PIK3C2B: variants seen among roughly 807,000 people sequenced by gnomAD.
PIK3C2B encodes the protein phosphatidylinositol 4-phosphate 3-kinase C2 domain-containing subunit beta.
PIK3C2B carries 83 observed loss-of-function variants against 184.3 expected under a neutral mutation model. The observed-to-expected ratio is 0.45, with a 90% CI of 0.38 to 0.54. PIK3C2B has a LOEUF of 0.54. PIK3C2B is among the 20% of genes least tolerant of loss of function. The pLI, the probability that PIK3C2B is intolerant of heterozygous loss-of-function variation, is 0.00. For missense variants in PIK3C2B, 1,736 were observed against 2,113.5 expected (o/e 0.82, Z 3.50); for synonymous variants, 779 against 837.6 (o/e 0.93, Z 1.21).
At chr1:204,448,633 C>CA (rs11455070) in intron 14 of PIK3C2B, among the ~76,000 whole-genome samples, 2,668 of 122,172 alleles carry the variant, frequency 0.022, 87 homozygotes, top group African/African-American at 0.076. Flanking sequence ...GATCCTGTCT[C>CA]AAAAAAAAAA....
In PIK3C2B at chr1:204,464,599, C is replaced by T. The variant is rs2271416; in HGVS notation, c.1040G>A (p.Arg347Gln). The T allele has an allele frequency of 9.3e-6, 15 of 1,613,694 alleles. No individual in the cohort carries two copies. The highest frequency in any genetic ancestry group is 4.5e-5 in the East Asian group (2 of 44,880). Residue 347 changes from arginine to glutamine, a missense_variant, in exon 4 of 33, where the codon CGA becomes CAA. Coordinates refer to ENST00000684373, the MANE Select transcript of PIK3C2B (RefSeq NM_001377334.1). Reference sequence around the variant, plus strand: ...GTAGTCTTGGATGTCAGAGCCAGATCGAAGGCTGTACAGGAAGAAAAAAAA... The same window carrying T: ...GTAGTCTTGGATGTCAGAGCCAGATTGAAGGCTGTACAGGAAGAAAAAAAA... ...AAFCHMLDIL[R>Q]SGSDIQDYFL...
intron 16 of PIK3C2B, 86 bp from the exon 17 acceptor site, chr1:204,444,510 G>A (rs1653680495): frequency 3.3e-6 from 3 of 903,192 alleles, no homozygotes; most frequent in South Asian, 2.9e-5. Context: ...CTGGGCTTCA[G>A]AGGCATGGAG....
intron 16 of PIK3C2B, among the ~76,000 whole-genome samples, chr1:204,445,206 GAAA>G (rs771864314): frequency 8.5e-6 from 1 of 118,000 alleles, no homozygotes; most frequent in Admixed American, 8.6e-5. Flanking sequence ...TGCCCCAAAA[GAAA>G]AAAAAAAAAA....
intron 18 of PIK3C2B, 103 bp downstream of exon 18, chr1:204,443,965 G>A: frequency 1.2e-6 from 1 of 825,144 alleles, no homozygotes; most frequent in Non-Finnish European, 2.1e-6. Flanking sequence ...AGCACATACT[G>A]AAGCCCGGAC....
intron 1 of PIK3C2B, among the ~76,000 whole-genome samples, chr1:204,488,796 G>T (rs576887586): frequency 1.4e-4 from 21 of 152,118 alleles, no homozygotes; most frequent in Non-Finnish European, 2.8e-4. Context: ...CCCCACTGAT[G>T]AGTTCACAAG....
chr1:204,432,174 G>A, intron 27 of PIK3C2B, 26 bp downstream of exon 27: 1 of 1,599,800 alleles, frequency 6.3e-7, no homozygotes, highest in South Asian at 1.1e-5. Flanking sequence ...AGCAGGAAAG[G>A]GGGTCAGATT....
intron 21 of PIK3C2B, 151 bp from the exon 22 acceptor site, chr1:204,440,472 C>A: frequency 1.4e-6 from 1 of 700,048 alleles, no homozygotes; most frequent in Non-Finnish European, 2.2e-6. Flanking sequence ...CACACCAGGT[C>A]AAAGATGGCC....
chr1:204,483,730 G>T (rs1269799813), intron 1 of PIK3C2B, among the ~76,000 whole-genome samples: 1 of 152,202 alleles, frequency 6.6e-6, no homozygotes, highest in Admixed American at 6.5e-5. Flanking sequence ...TATCCCCCCA[G>T]TTTGCACAGG....
At chr1:204,450,994 T>C (rs1007475780) in intron 12 of PIK3C2B, among the ~76,000 whole-genome samples, 2 of 152,216 alleles carry the variant, frequency 1.3e-5, no homozygotes, top group African/African-American at 4.8e-5. Flanking sequence ...TAAAGCAGCC[T>C]GCCTCCACCG....
At chr1:204,487,646 T>C (rs1444307850) in intron 1 of PIK3C2B, among the ~76,000 whole-genome samples, 7 of 152,188 alleles carry the variant, frequency 4.6e-5, no homozygotes, top group Non-Finnish European at 7.3e-5. Context: ...TTCTTAAGTT[T>C]AGAGATCTCC....
intron 2 of PIK3C2B, among the ~76,000 whole-genome samples, chr1:204,468,467 G>A (rs187307753): frequency 4.6e-5 from 7 of 152,196 alleles, no homozygotes; most frequent in Admixed American, 3.3e-4. Flanking sequence ...GCCACGCAGC[G>A]TTTTTGGCAG....
intron 1 of PIK3C2B, among the ~76,000 whole-genome samples, chr1:204,484,461 G>A (rs952295075): frequency 3.3e-5 from 5 of 152,136 alleles, no homozygotes; most frequent in African/African-American, 4.8e-5. Flanking sequence ...GCTGATGGCC[G>A]GGCGCGGTGG....
chr1:204,452,184 C>A (rs1325884903), intron 12 of PIK3C2B, among the ~76,000 whole-genome samples: 1 of 151,334 alleles, frequency 6.6e-6, no homozygotes, highest in African/African-American at 2.4e-5. Context: ...AAATGAAACT[C>A]ATGGGGCAGG....
In PIK3C2B at chr1:204,454,705, G is replaced by A. The variant is rs767867952; in HGVS notation, c.2030C>T (p.Ser677Phe). 5.6e-5 allele frequency: 90 copies of A among 1,613,230 alleles called. No homozygotes were observed. Among genetic ancestry groups the A allele is most frequent in the Non-Finnish European group, 7.5e-5 (89 of 1,179,974 alleles). Residue 677 changes from serine (S) to phenylalanine (F), a missense_variant, in exon 12 of 33, where the codon TCC (serine) becomes TTC (phenylalanine). Coordinates refer to ENST00000684373, the MANE Select transcript of PIK3C2B (RefSeq NM_001377334.1). ...GACGATGAGGTGGAAGAGGTACTTGGAGAAGTGAGCTCTTCGGGTCTGCAG... is the reference window on the plus strand; with the variant it reads ...GACGATGAGGTGGAAGAGGTACTTGAAGAAGTGAGCTCTTCGGGTCTGCAG... Reference protein sequence around the residue: ...SPLQTRRAHFSKYLFHLIVWD... With the variant: ...SPLQTRRAHFFKYLFHLIVWD...
chr1:204,449,336 T>C (rs1432211638), intron 13 of PIK3C2B, 40 bp from the exon 14 acceptor site: 1 of 1,464,212 alleles, frequency 6.8e-7, no homozygotes, highest in Admixed American at 1.9e-5. Flanking sequence ...CTAAAGTGGC[T>C]AAGCAGAGAA....
rs548236185 is a variant in PIK3C2B at position 204,455,317 on chromosome 1, A to AG, written c.1944-527dup. On this transcript the variant is annotated intron_variant, in intron 11 of 32. Transcript: ENST00000684373. Reference sequence around the variant, plus strand: ...ACATTAAGTAAGGAACAAAGAGAGAAGGGGAAGGGGGTTGGGGAAAGGGGA... The same window carrying AG: ...ACATTAAGTAAGGAACAAAGAGAGAAGGGGGAAGGGGGTTGGGGAAAGGGGA... Among the ~76,000 whole-genome samples the AG allele has an allele frequency of 9.4e-4, 116 of 123,362 alleles. 2 individuals carry two copies. The East Asian group carries it at 0.031, about 33-fold the overall frequency. The allele number at this position is 123,362 out of a possible 152,430, so 80.9% of individuals were successfully genotyped here.
chr1:204,442,126 C>T (rs770778810), intron 20 of PIK3C2B, among the ~76,000 whole-genome samples: 1 of 152,170 alleles, frequency 6.6e-6, no homozygotes, highest in Non-Finnish European at 1.5e-5. Flanking sequence ...TTCTAAAAGT[C>T]CATACACATT....
At chr1:204,454,847 A>T in intron 11 of PIK3C2B, 56 bp from the exon 12 acceptor site, 1 of 1,569,100 alleles carries the variant, frequency 6.4e-7, no homozygotes, top group Non-Finnish European at 8.6e-7. Flanking sequence ...AATCACCCAA[A>T]CCTATGCGTC....
chr1:204,447,618 C>A lies in PIK3C2B; in HGVS notation c.2347-40G>T. Reference sequence around the variant, plus strand: ...CAGGGATGTGAGGAGAGAAAACAGGCAGCGTGTGTGGACTCCCAGCTTCTT... The same window carrying A: ...CAGGGATGTGAGGAGAGAAAACAGGAAGCGTGTGTGGACTCCCAGCTTCTT... On this transcript the variant is annotated intron_variant, in intron 14 of 32. Coordinates refer to ENST00000684373, the MANE Select transcript of PIK3C2B (RefSeq NM_001377334.1). This position sits in a 1 kb window ranked among gnomAD's most constrained non-coding sequence, Gnocchi z 4.1. The A allele has an allele frequency of 6.6e-7, 1 of 1,521,494 alleles. No individual in the cohort carries two copies. The highest frequency in any genetic ancestry group is 9.0e-7 in the Non-Finnish European group (1 of 1,109,010). The allele number at this position is 1,521,494 out of a possible 1,614,324, so 94.2% of individuals were successfully genotyped here.
Sources: gnomAD v4.1 joint callset for allele counts (sites outside exome capture counted in the v4.1 genomes callset) on GRCh38, gnomAD v4.1.1 for gene constraint, Gnocchi (gnomAD v3.1) non-coding constraint, MANE v1.5 for transcripts, NCBI Gene and HGNC (gene_info 2026-07-23, HGNC 2026-07-21) for gene names.